SMIM35: variants seen among roughly 807,000 people sequenced by gnomAD.
SMIM35 encodes the protein small integral membrane protein 35.
rs186646415 is a variant in SMIM35 at position 118,009,169 on chromosome 11, C to A, written c.*34-2793G>T. Reference sequence around the variant, plus strand: ...GGGAAGCTCAGAGCTGAGGATGGGGCCTGGGGAGGACTGGGCTCCTGAGCG... The same window carrying A: ...GGGAAGCTCAGAGCTGAGGATGGGGACTGGGGAGGACTGGGCTCCTGAGCG... On this transcript the variant is annotated intron_variant, in intron 4 of 4. Transcript: ENST00000689828. 2.5e-3 allele frequency among the ~76,000 whole-genome samples: 386 copies of A among 152,046 alleles called. 1 individual carries two copies. The highest frequency in any genetic ancestry group is 9.1e-3 in the African/African-American group (376 of 41,472).
intron 1 of SMIM35, among the ~76,000 whole-genome samples, chr11:118,037,328 AGCTTTG>A (rs1230342188): frequency 6.6e-6 from 1 of 152,184 alleles, no homozygotes. Context: ...GTAGCTTTAC[AGCTTTG>A]ATTCTGGAAG....
At chr11:118,064,550 C>G (rs745746450) in intron 1 of SMIM35, among the ~76,000 whole-genome samples, 1 of 152,232 alleles carries the variant, frequency 6.6e-6, no homozygotes. Context: ...TCCTGAGTAG[C>G]TGGGACTACA....
chr11:118,054,169 GTT>G (rs1215142661), intron 1 of SMIM35, among the ~76,000 whole-genome samples: 1 of 79,472 alleles, frequency 1.3e-5, no homozygotes, highest in Non-Finnish European at 2.4e-5. Context: ...TTTTTGTTTT[GTT>G]TTTTTGTTTG....
chr11:118,075,959 A>G (rs950404620), intron 1 of SMIM35, among the ~76,000 whole-genome samples: 9 of 152,268 alleles, frequency 5.9e-5, no homozygotes, highest in African/African-American at 1.9e-4. Flanking sequence ...AGGATGTGGC[A>G]GAACGTGAAT....
At chr11:118,076,458 A>G (rs1411714793) in intron 1 of SMIM35, among the ~76,000 whole-genome samples, 1 of 152,082 alleles carries the variant, frequency 6.6e-6, no homozygotes, top group Non-Finnish European at 1.5e-5. Context: ...AAAAAAGAAA[A>G]GAAAAAAAGA....
chr11:118,028,936 AGAGGAG>A (rs201691635), intron 1 of SMIM35: 2 of 419,514 alleles, frequency 4.8e-6, no homozygotes, highest in Non-Finnish European at 9.4e-6. Flanking sequence ...AATAAGAGGA[AGAGGAG>A]GAGGAGGAGA....
At chr11:118,065,788 T>C (rs1045205059) in intron 1 of SMIM35, among the ~76,000 whole-genome samples, 39 of 152,158 alleles carry the variant, frequency 2.6e-4, no homozygotes, top group African/African-American at 9.2e-4. Flanking sequence ...TGTGCTTTTG[T>C]TTTCATTAAA....
chr11:118,019,484 G>C (rs2135030119), intron 1 of SMIM35, among the ~76,000 whole-genome samples: 1 of 152,288 alleles, frequency 6.6e-6, no homozygotes, highest in South Asian at 2.1e-4. Context: ...CAAAATACCA[G>C]AGAGAAGGGA....
intron 1 of SMIM35, among the ~76,000 whole-genome samples, chr11:118,046,686 T>G (rs542978254): frequency 6.6e-6 from 1 of 152,200 alleles, no homozygotes; most frequent in South Asian, 2.1e-4. Flanking sequence ...ACTCCAGACC[T>G]ATCCAAGGAA....
rs1283577812 is a variant in SMIM35 at position 118,011,406 on chromosome 11, G to A, written c.*33+2342C>T. 2.0e-5 allele frequency among the ~76,000 whole-genome samples: 3 copies of A among 152,180 alleles called. No homozygotes were observed. In the East Asian group the frequency reaches 5.8e-4, roughly 29 times the overall value. ...GGTGCGGGTACAGAGTTTTATTGGG[G>A]CCGGGCCAGGTGCAGCAGCTGACAC... is the stretch of plus-strand genomic sequence containing the variant. On this transcript the variant is annotated intron_variant, in intron 4 of 4. Transcript: ENST00000689828.
chr11:118,083,377 G>A (rs1312713043), intron 1 of SMIM35, among the ~76,000 whole-genome samples: 1 of 152,100 alleles, frequency 6.6e-6, no homozygotes, highest in Admixed American at 6.5e-5. Context: ...CAGGTCACAC[G>A]ACATCACCTC....
chr11:118,086,544 G>A (rs1028674350), intron 1 of SMIM35, among the ~76,000 whole-genome samples: 2 of 152,238 alleles, frequency 1.3e-5, no homozygotes, highest in Non-Finnish European at 2.9e-5. Flanking sequence ...GATGCCCAGC[G>A]GCATATGGCC....
At chr11:118,019,892 A>G (rs1275504865) in intron 1 of SMIM35, among the ~76,000 whole-genome samples, 1 of 152,130 alleles carries the variant, frequency 6.6e-6, no homozygotes, top group East Asian at 1.9e-4. Context: ...ACTGTATTCT[A>G]TTGGTCTACG....
At chr11:118,076,476 A>G (rs950443541) in intron 1 of SMIM35, among the ~76,000 whole-genome samples, 4 of 151,974 alleles carry the variant, frequency 2.6e-5, no homozygotes, top group African/African-American at 9.7e-5. Flanking sequence ...AGAAAGAAAG[A>G]AAGAAGGAAA....
intron 1 of SMIM35, among the ~76,000 whole-genome samples, chr11:118,085,749 C>G (rs1212072093): frequency 6.6e-6 from 1 of 152,144 alleles, no homozygotes; most frequent in Non-Finnish European, 1.5e-5. Context: ...GTGGCGGGAC[C>G]CCTTCTGGCC....
intron 4 of SMIM35, among the ~76,000 whole-genome samples, chr11:118,008,359 T>G (rs967035279): frequency 1.3e-5 from 2 of 152,228 alleles, no homozygotes; most frequent in Admixed American, 1.3e-4. Context: ...TCCTCCCATC[T>G]GCTCCCACTT....
At chr11:118,055,583 C>T (rs1045336863) in intron 1 of SMIM35, among the ~76,000 whole-genome samples, 3 of 152,168 alleles carry the variant, frequency 2.0e-5, no homozygotes, top group African/African-American at 4.8e-5. Flanking sequence ...TATGTCTAGT[C>T]ATTTCCCTTA....
At chr11:118,064,492 C>T (rs1038679669) in intron 1 of SMIM35, among the ~76,000 whole-genome samples, 2 of 152,184 alleles carry the variant, frequency 1.3e-5, no homozygotes, top group South Asian at 2.1e-4. Context: ...CTATGTTGCC[C>T]AGGCTGGCTT....
At chr11:118,078,664 C>G (rs1473296552) in intron 1 of SMIM35, among the ~76,000 whole-genome samples, 1 of 152,140 alleles carries the variant, frequency 6.6e-6, no homozygotes, top group African/African-American at 2.4e-5. Flanking sequence ...TGAGCTGCTT[C>G]TGGGTGGCAG....
Sources: gnomAD v4.1 joint callset for allele counts (sites outside exome capture counted in the v4.1 genomes callset) on GRCh38, gnomAD v4.1.1 for gene constraint, MANE v1.5 for transcripts, NCBI Gene and HGNC (gene_info 2026-07-23, HGNC 2026-07-21) for gene names.